Variants in RTN4R observed in about 807,000 individuals in gnomAD.
RTN4R encodes reticulon-4 receptor.
In RTN4R, 4 loss-of-function variants were observed where a neutral mutation model predicts 27.7. The observed-to-expected ratio is 0.14, with a 90% confidence interval of 0.07 to 0.33. RTN4R has a LOEUF of 0.33. Ranked by LOEUF, RTN4R falls within the 10% of genes least tolerant of loss-of-function variation. RTN4R has a pLI of 1.00. For synonymous variants in RTN4R, 290 were observed against 305.6 expected (o/e 0.95, Z 0.53); for missense variants, 554 against 671.5 (o/e 0.83, Z 1.93).
At chr22:20,249,975 A>T (rs1327048571) in intron 1 of RTN4R, among the ~76,000 whole-genome samples, 2 of 152,164 alleles carry the variant, frequency 1.3e-5, no homozygotes, top group African/African-American at 4.8e-5. Context: ...TTCACATTAG[A>T]AACTGAGCTG....
chr22:20,266,513 G>A (rs1602654219), intron 1 of RTN4R, among the ~76,000 whole-genome samples: 1 of 152,184 alleles, frequency 6.6e-6, no homozygotes, highest in African/African-American at 2.4e-5. Context: ...GCTGGGTCAC[G>A]TGCTCCAGTC....
intron 1 of RTN4R, among the ~76,000 whole-genome samples, chr22:20,262,638 AG>A (rs1459754266): frequency 1.3e-5 from 2 of 152,122 alleles, no homozygotes; most frequent in Non-Finnish European, 2.9e-5. Context: ...CTTCCTCCAG[AG>A]CCCCACACCC....
At chr22:20,266,921 G>GAGGC (rs1263961260) in intron 1 of RTN4R, among the ~76,000 whole-genome samples, 1 of 152,266 alleles carries the variant, frequency 6.6e-6, no homozygotes, top group East Asian at 1.9e-4. Context: ...CCAGGACACG[G>GAGGC]AGGCAGGCAG....
At position 20,261,163 on chromosome 22, in the gene RTN4R, G is replaced by A. The variant is rs143748492; in HGVS notation, c.22+6908C>T. Among the ~76,000 whole-genome samples the A allele has an allele frequency of 2.4e-3, 367 of 152,294 alleles. 3 individuals are homozygous for A. The highest frequency in any genetic ancestry group is 8.7e-3 in the African/African-American group (362 of 41,562). The stretch of plus-strand genomic sequence containing the variant: ...CTCCTGCTCCAGGCAGTACAGTGGG[G>A]CCCACATGCCCATCCTCACTGGCCA... On this transcript the variant is annotated intron_variant, in intron 1 of 1. Coordinates refer to ENST00000043402, the MANE Select transcript of RTN4R (RefSeq NM_023004.6).
chr22:20,260,767 C>T (rs914253093), intron 1 of RTN4R, among the ~76,000 whole-genome samples: 4 of 152,134 alleles, frequency 2.6e-5, no homozygotes, highest in Non-Finnish European at 5.9e-5. Flanking sequence ...AAGTGAAGGG[C>T]GGGACAGAAG....
chr22:20,245,456 C>T (rs1008174234), intron 1 of RTN4R, among the ~76,000 whole-genome samples: 11 of 152,166 alleles, frequency 7.2e-5, no homozygotes, highest in African/African-American at 2.7e-4. Context: ...TTTGTCTTCA[C>T]AGCCGGGGCC....
At chr22:20,257,458 C>T (rs1469674043) in intron 1 of RTN4R, among the ~76,000 whole-genome samples, 1 of 152,124 alleles carries the variant, frequency 6.6e-6, no homozygotes, top group Non-Finnish European at 1.5e-5. Flanking sequence ...AGAGTACATG[C>T]CCTCCTCTCT....
At chr22:20,263,136 C>T (rs563713158) in intron 1 of RTN4R, among the ~76,000 whole-genome samples, 1 of 152,346 alleles carries the variant, frequency 6.6e-6, no homozygotes, top group African/African-American at 2.4e-5. Context: ...TTGCACATCG[C>T]CTCAAATTGC....
chr22:20,242,949 T>G lies in RTN4R; in HGVS notation c.184A>C (p.Ile62Leu). 1 of 1,612,060 alleles carries G rather than the reference T, an allele frequency of 6.2e-7. No individual in the cohort carries two copies. Among genetic ancestry groups the G allele is most frequent in the Non-Finnish European group, 8.5e-7 (1 of 1,179,500 alleles). The change falls in exon 2 of 2, where the codon ATC becomes CTC. Residue 62 changes from isoleucine to leucine, a missense_variant. Physicochemically the swap from Ile to Leu is conservative, Grantham distance 5 (BLOSUM62 2). This residue lies in a region of RTN4R where 413 missense variants were observed against 542.3 expected (regional missense o/e 0.76). Transcript: ENST00000043402. ...GAGATGCGGTTGCCGTGCAGGAAGA[T>G]GCGCTGGCTGGCAGCAGGGATGCCC... is the stretch of plus-strand genomic sequence containing the variant. ...PVGIPAASQRIFLHGNRISHV... is the reference protein window; with the variant it reads ...PVGIPAASQRLFLHGNRISHV...
intron 1 of RTN4R, among the ~76,000 whole-genome samples, chr22:20,263,529 T>C (rs1303608405): frequency 1.3e-5 from 2 of 152,254 alleles, no homozygotes; most frequent in East Asian, 1.9e-4. Flanking sequence ...CAGCTAAGAA[T>C]GCCAGGGTGC....
Position 20,258,059 on chromosome 22 carries a change from G to C in RTN4R, c.22+10012C>G, listed in dbSNP as rs1483354441. 2.0e-5 allele frequency among the ~76,000 whole-genome samples: 3 copies of C among 152,298 alleles called. No individual in the cohort carries two copies. In the East Asian group the frequency reaches 5.8e-4, roughly 29 times the overall value. ...GCCTGCACCTGGCCTCTCCCTGGAG[G>C]ACCTTCTCACATCACCCCCGGAGGG... is the stretch of plus-strand genomic sequence containing the variant. On this transcript the variant is annotated intron_variant, in intron 1 of 1. Coordinates refer to ENST00000043402, the MANE Select transcript of RTN4R (RefSeq NM_023004.6).
rs1255021250 is a variant in RTN4R at position 20,242,925 on chromosome 22, A to G, written c.208T>C (p.Ser70Pro). 1.2e-6 allele frequency: 2 copies of G among 1,612,066 alleles called. No homozygotes were observed. The highest frequency in any genetic ancestry group is 1.7e-6 in the Non-Finnish European group (2 of 1,179,514). The change falls in exon 2 of 2, where the codon TCG becomes CCG. Residue 70 changes from serine (S) to proline (P), a missense_variant. This residue lies in a region of RTN4R where 413 missense variants were observed against 542.3 expected (regional missense o/e 0.76). Coordinates refer to ENST00000043402, the MANE Select transcript of RTN4R (RefSeq NM_023004.6). ...CGGAAGCTGGCAGCTGGCACATGCG[A>G]GATGCGGTTGCCGTGCAGGAAGATG... ...QRIFLHGNRI[S>P]HVPAASFRAC... is the part of the protein sequence containing the mutation.
chr22:20,249,297 C>T (rs2051161382), intron 1 of RTN4R: 2 of 494,810 alleles, frequency 4.0e-6, no homozygotes, highest in East Asian at 5.8e-5. Flanking sequence ...TGCCATACAC[C>T]TGCCTCCCAT....
intron 1 of RTN4R, among the ~76,000 whole-genome samples, chr22:20,245,551 C>G (rs1466453542): frequency 6.6e-6 from 1 of 152,156 alleles, no homozygotes; most frequent in Non-Finnish European, 1.5e-5. Flanking sequence ...CACCAGCCTC[C>G]TCCCTGGCCC....
At position 20,242,112 on chromosome 22, in the gene RTN4R, C is replaced by T. The variant is rs202097020; in HGVS notation, c.1021G>A (p.Ala341Thr). ...GLPKCCQPDA[A>T]DKASVLEPGR... ...GGCTCCAGTACTGAGGCCTTGTCAG[C>T]GGCATCTGGCTGGCAGCACTTGGGA... is the stretch of plus-strand genomic sequence containing the variant. The change falls in exon 2 of 2, where the codon GCT (alanine) becomes ACT (threonine). Residue 341 changes from alanine (A) to threonine (T), a missense_variant. Coordinates refer to ENST00000043402, the MANE Select transcript of RTN4R (RefSeq NM_023004.6). 23 of 1,611,878 alleles carry T rather than the reference C, an allele frequency of 1.4e-5. No homozygotes were observed. The highest frequency in any genetic ancestry group is 5.5e-5 in the South Asian group (5 of 91,042).
In RTN4R at chr22:20,255,266, T is replaced by A. The variant is rs1253299516; in HGVS notation, c.23-12156A>T. Among the ~76,000 whole-genome samples, 1 of 151,930 alleles carries A rather than the reference T, an allele frequency of 6.6e-6. No individual in the cohort carries two copies. Among genetic ancestry groups the A allele is most frequent in the East Asian group, 1.9e-4 (1 of 5,156 alleles). ...TGGCACTAAAATCTCAGAAAACAGA[T>A]AAATAAAAAGAAAAAAAAGAAAGTG... On this transcript the variant is annotated intron_variant, in intron 1 of 1. Coordinates refer to ENST00000043402, the MANE Select transcript of RTN4R (RefSeq NM_023004.6). The surrounding 1 kb of genome is among the most constrained non-coding windows in gnomAD (Gnocchi z 4.8).
intron 1 of RTN4R, among the ~76,000 whole-genome samples, chr22:20,257,948 G>A (rs939585547): frequency 1.2e-4 from 19 of 152,256 alleles, no homozygotes; most frequent in African/African-American, 4.6e-4. Flanking sequence ...GTCTCAGGCA[G>A]GCCCCCCAAC....
At position 20,261,746 on chromosome 22, in the gene RTN4R, C is replaced by T. The variant is rs1490956853; in HGVS notation, c.22+6325G>A. ...CCTCCCTGCCAGTGTGGCTGTCCCACCCTTCATGGCTTTCTGCATCCTCAA... is the reference window on the plus strand; with the variant it reads ...CCTCCCTGCCAGTGTGGCTGTCCCATCCTTCATGGCTTTCTGCATCCTCAA... On this transcript the variant is annotated intron_variant, in intron 1 of 1. Transcript: ENST00000043402. 2.6e-5 allele frequency among the ~76,000 whole-genome samples: 4 copies of T among 152,328 alleles called. No individual in the cohort carries two copies. The South Asian group carries it at 8.3e-4, about 32-fold the overall frequency.
At chr22:20,268,023 C>T in intron 1 of RTN4R, 48 bp downstream of exon 1, 3 of 1,128,036 alleles carry the variant, frequency 2.7e-6, no homozygotes, top group Non-Finnish European at 3.3e-6. Flanking sequence ...AGCCGCCCCC[C>T]TCCGCGCCCC....
Sources: gnomAD v4.1 joint callset for allele counts (sites outside exome capture counted in the v4.1 genomes callset) on GRCh38, gnomAD v4.1.1 for gene constraint, gnomAD v4.1.1 regional missense constraint, Gnocchi (gnomAD v3.1) non-coding constraint, MANE v1.5 for transcripts, NCBI Gene and HGNC (gene_info 2026-07-23, HGNC 2026-07-21) for gene names.